The following POLDIP3 variants were observed in gnomAD, a reference collection of about 807,000 sequenced individuals.
POLDIP3 encodes the protein polymerase delta-interacting protein 3.
A neutral mutation model predicts 45.1 loss-of-function variants in POLDIP3; 14 were observed. The observed-to-expected ratio is 0.31, with a 90% confidence interval of 0.20 to 0.49. POLDIP3 has a LOEUF of 0.49. Ranked by LOEUF, POLDIP3 falls within the 20% of genes least tolerant of loss-of-function variation. The pLI is 0.99. For synonymous variants in POLDIP3, 223 were observed against 205.2 expected, an observed-to-expected ratio of 1.09 and a Z score of -0.74; for missense variants, 511 against 538.8, an observed-to-expected ratio of 0.95 and a Z score of 0.51.
intron 4 of POLDIP3, among the ~76,000 whole-genome samples, chr22:42,597,424 G>A (rs577021483): frequency 4.6e-5 from 7 of 152,250 alleles, no homozygotes; most frequent in East Asian, 1.9e-4. Context: ...GGAATTCTGC[G>A]TCTCCAGAGC....
At chr22:42,592,520 G>C (rs1925732807) in intron 6 of POLDIP3, among the ~76,000 whole-genome samples, 1 of 152,186 alleles carries the variant, frequency 6.6e-6, no homozygotes, top group Admixed American at 6.5e-5. Context: ...TGGACTGAAG[G>C]GTTTCCCTGG....
intron 1 of POLDIP3, among the ~76,000 whole-genome samples, chr22:42,608,253 A>AACCC (rs1926892423): frequency 9.9e-6 from 1 of 101,382 alleles, no homozygotes; most frequent in African/African-American, 4.1e-5. Flanking sequence ...CTATAACCTT[A>AACCC]CCCCCCCCCC....
intron 1 of POLDIP3, among the ~76,000 whole-genome samples, chr22:42,608,414 C>A (rs753838228): frequency 6.6e-6 from 1 of 151,818 alleles, no homozygotes; most frequent in Non-Finnish European, 1.5e-5. Context: ...CAGAACAAGA[C>A]CCTGTCTCAA....
intron 1 of POLDIP3, among the ~76,000 whole-genome samples, chr22:42,608,040 G>A (rs569879392): frequency 8.6e-5 from 13 of 152,016 alleles, no homozygotes; most frequent in African/African-American, 2.9e-4. Flanking sequence ...CTGCCCGGCC[G>A]CCACCCCGTC....
chr22:42,592,181 G>A, intron 6 of POLDIP3, 97 bp from the exon 7 acceptor site: 1 of 1,546,168 alleles, frequency 6.5e-7, no homozygotes, highest in East Asian at 2.3e-5. Context: ...TTCCGCTGCA[G>A]CTAAATGCGC....
intron 1 of POLDIP3, among the ~76,000 whole-genome samples, chr22:42,605,363 G>A (rs113658890): frequency 0.029 from 4,442 of 152,292 alleles, 197 homozygotes; most frequent in African/African-American, 0.1. Context: ...TCCTGACCTC[G>A]TGATCCGCCT....
At chr22:42,607,045 G>A (rs975541667) in intron 1 of POLDIP3, among the ~76,000 whole-genome samples, 2 of 152,176 alleles carry the variant, frequency 1.3e-5, no homozygotes, top group Non-Finnish European at 2.9e-5. Flanking sequence ...CGGGCAGATC[G>A]CTTGAGCCCA....
intron 4 of POLDIP3, 117 bp downstream of exon 4, chr22:42,599,574 AGCAGCCT>A: frequency 5.4e-6 from 4 of 744,488 alleles, no homozygotes. Context: ...ATTGCACTCC[AGCAGCCT>A]GGGGGAGAAG....
In POLDIP3 at chr22:42,614,854, C is replaced by A. The variant is rs750499892; in HGVS notation, c.4G>T (p.Ala2Ser). Reference sequence around the variant, plus strand: ...ATGAGTTCGTCCAGGGAGATGTCCGCCATCTTGCTCCGCCGAGCAAGCCGA... The same window carrying A: ...ATGAGTTCGTCCAGGGAGATGTCCGACATCTTGCTCCGCCGAGCAAGCCGA... M[A>S]DISLDELIRK... Residue 2 changes from alanine to serine, a missense_variant, in exon 1 of 9, where the codon GCG becomes TCG. By Grantham distance (99) the Ala-to-Ser change is moderately conservative. Around this residue, in one of 4 missense-constraint regions of POLDIP3, gnomAD observed 378 missense variants for 352.3 expected, o/e 1.07. Coordinates refer to ENST00000252115, the MANE Select transcript of POLDIP3 (RefSeq NM_032311.5). 1.9e-6 allele frequency: 3 copies of A among 1,613,976 alleles called. No homozygotes were observed. The highest frequency in any genetic ancestry group is 2.2e-5 in the East Asian group (1 of 44,876).
chr22:42,611,788 A>G (rs1927134823), intron 1 of POLDIP3, among the ~76,000 whole-genome samples: 2 of 152,048 alleles, frequency 1.3e-5, no homozygotes, highest in African/African-American at 4.8e-5. Flanking sequence ...GAGGCAGGAG[A>G]ATCGCTTGAA....
At chr22:42,603,296 A>G in intron 1 of POLDIP3, 136 bp from the exon 2 acceptor site, 2 of 851,640 alleles carry the variant, frequency 2.3e-6, no homozygotes, top group South Asian at 3.5e-5. Context: ...GTGATTGAAT[A>G]AACGATTATG....
intron 6 of POLDIP3, among the ~76,000 whole-genome samples, chr22:42,595,160 G>A (rs1925907472): frequency 6.6e-6 from 1 of 152,242 alleles, no homozygotes; most frequent in Admixed American, 6.5e-5. Flanking sequence ...CTTTCCCTCT[G>A]GGAGTCTGGA....
intron 5 of POLDIP3, 26 bp downstream of exon 5, chr22:42,596,160 T>G (rs764434211): frequency 1.9e-6 from 3 of 1,611,516 alleles, no homozygotes; most frequent in Non-Finnish European, 2.5e-6. Context: ...TGACCCCAAC[T>G]GCTGCAGTCA....
At position 42,603,168 on chromosome 22, in the gene POLDIP3, T is replaced by C. The variant is rs1280657072; in HGVS notation, c.60-8A>G. On this transcript the variant is annotated splice_region_variant and splice_polypyrimidine_tract_variant and intron_variant, in intron 1 of 8. Transcript: ENST00000252115. ...CCCGGTCTGGCATTAAGCCTGTAAA[T>C]ATAAATTGCAATCAATATTAAGTGG... 1.2e-6 allele frequency: 2 copies of C among 1,612,046 alleles called. No individual in the cohort carries two copies. Among genetic ancestry groups the C allele is most frequent in the Admixed American group, 1.7e-5 (1 of 59,940 alleles).
intron 8 of POLDIP3, 59 bp downstream of exon 8, chr22:42,587,447 T>C (rs1278141335): frequency 2.0e-6 from 3 of 1,511,550 alleles, no homozygotes; most frequent in East Asian, 4.5e-5. Flanking sequence ...GTTTACCCAT[T>C]AGAACAAAAA....
intron 8 of POLDIP3, among the ~76,000 whole-genome samples, chr22:42,586,206 C>A (rs996895313): frequency 6.6e-6 from 1 of 152,090 alleles, no homozygotes; most frequent in African/African-American, 2.4e-5. Flanking sequence ...CAGGCGTGTA[C>A]CACCATGCCT....
At chr22:42,589,586 G>A (rs1925541410) in intron 7 of POLDIP3, among the ~76,000 whole-genome samples, 1 of 152,098 alleles carries the variant, frequency 6.6e-6, no homozygotes. Flanking sequence ...CAGGTGGACG[G>A]ATCACTTGAG....
rs9620070 is a variant in POLDIP3, at chr22:42,597,943, C to A, written c.634-1578G>T. On this transcript the variant is annotated intron_variant, in intron 4 of 8. Coordinates refer to ENST00000252115, the MANE Select transcript of POLDIP3 (RefSeq NM_032311.5). ...TACAGGCACGCGCCATCATGCCCAG[C>A]TAATTTTTTATTTTTAGTAGAGACG... Among the ~76,000 whole-genome samples, 342 of 150,806 alleles carry A rather than the reference C, an allele frequency of 2.3e-3. 4 individuals are homozygous for A. Among genetic ancestry groups the A allele is most frequent in the African/African-American group, 8.0e-3 (330 of 41,036 alleles).
intron 8 of POLDIP3, 148 bp from the exon 9 acceptor site, chr22:42,586,116 C>T (rs1925295118): frequency 1.4e-6 from 1 of 720,792 alleles, no homozygotes; most frequent in Non-Finnish European, 2.2e-6. Context: ...TCGCAGCAAA[C>T]TCAATCACAG....
Sources: gnomAD v4.1 joint callset for allele counts (sites outside exome capture counted in the v4.1 genomes callset) on GRCh38, gnomAD v4.1.1 for gene constraint, gnomAD v4.1.1 regional missense constraint, MANE v1.5 for transcripts, NCBI Gene and HGNC (gene_info 2026-07-23, HGNC 2026-07-21) for gene names.